IFNAR2: variants seen among roughly 807,000 people sequenced by gnomAD.
The protein encoded by IFNAR2 is interferon alpha/beta receptor 2.
Under a neutral mutation model 49.4 loss-of-function variants are expected in IFNAR2, and 30 were observed. The ratio of observed to expected loss-of-function variants is 0.61; its 90% CI spans 0.45 to 0.82. IFNAR2 has a LOEUF of 0.82. Among genes scored for constraint, IFNAR2 ranks in the 40% least tolerant of loss-of-function variants. The pLI, the probability that IFNAR2 is intolerant of heterozygous loss-of-function variation, is 0.00. For synonymous variants in IFNAR2, 224 were observed against 234.5 expected (o/e 0.96, Z 0.41); for missense variants, 600 against 622.7 (o/e 0.96, Z 0.39).
intron 3 of IFNAR2, among the ~76,000 whole-genome samples, chr21:33,244,716 A>G (rs1418725684): frequency 6.6e-6 from 1 of 152,196 alleles, no homozygotes; most frequent in African/African-American, 2.4e-5. Context: ...CTCTCCTTAC[A>G]CAGTGCACAG....
intron 8 of IFNAR2, among the ~76,000 whole-genome samples, chr21:33,261,821 A>G (rs1988587109): frequency 6.6e-6 from 1 of 152,108 alleles, no homozygotes; most frequent in Non-Finnish European, 1.5e-5. Context: ...GGCTGCAGTG[A>G]GCTGTGATTG....
rs1987277129 is a variant in IFNAR2 at position 33,244,948 on chromosome 21, T to C, written c.98-3T>C. On this transcript the variant is annotated splice_region_variant and splice_polypyrimidine_tract_variant and intron_variant, in intron 3 of 8. Coordinates refer to ENST00000342136, the MANE Select transcript of IFNAR2 (RefSeq NM_001289125.3). ...TCAATGCCCTTTTTCTTCTTCTCTTTAGATTACACAGATGAATCTTGCACT... is the reference window on the plus strand; with the variant it reads ...TCAATGCCCTTTTTCTTCTTCTCTTCAGATTACACAGATGAATCTTGCACT... 6.2e-7 allele frequency: 1 copy of C among 1,613,458 alleles called. No homozygotes were observed. Among genetic ancestry groups the C allele is most frequent in the African/African-American group, 1.3e-5 (1 of 74,902 alleles).
chr21:33,247,332 A>C, intron 5 of IFNAR2, among the ~76,000 whole-genome samples: 1 of 145,796 alleles, frequency 6.9e-6, no homozygotes, highest in Non-Finnish European at 1.5e-5. Flanking sequence ...GCTCACTGCA[A>C]CCTCCACCTT....
At chr21:33,258,343 A>G (rs1267400484) in intron 7 of IFNAR2, among the ~76,000 whole-genome samples, 1 of 152,078 alleles carries the variant, frequency 6.6e-6, no homozygotes, top group Admixed American at 6.5e-5. Flanking sequence ...GCAGAGAAGG[A>G]GCTCTCACAG....
intron 5 of IFNAR2, among the ~76,000 whole-genome samples, chr21:33,248,081 A>G (rs17860258): frequency 6.6e-6 from 1 of 152,372 alleles, no homozygotes; most frequent in Non-Finnish European, 1.5e-5. Context: ...TGAAAAATAC[A>G]TAAATATCCA....
At position 33,236,662 on chromosome 21, in the gene IFNAR2, A is replaced by G. The variant is rs186258944; in HGVS notation, c.-83-5178A>G. On this transcript the variant is annotated intron_variant, in intron 1 of 8. Transcript: ENST00000342136. ...AGCAGTTGTTAGGCATAGAGATTGA[A>G]GCCAGACAGGGCCTGGGATTCCTCT... The G allele has an allele frequency of 2.3e-5, 23 of 984,850 alleles. No homozygotes were observed. In the East Asian group the frequency reaches 9.1e-4, roughly 39 times the overall value. 61.0% of individuals were successfully genotyped at this position (984,850 alleles called of 1,614,324 possible).
At position 33,262,946 on chromosome 21, in the gene IFNAR2, A is replaced by G; in HGVS notation, c.994A>G (p.Thr332Ala). Residue 332 changes from threonine to alanine, a missense_variant, in exon 9 of 9, where the codon ACA becomes GCA. Physicochemically the swap from Thr to Ala is moderately conservative, Grantham distance 58 (BLOSUM62 0). Transcript: ENST00000342136. ...SDSDTEAAPR[T>A]SGGGYTMHGL... ...TAGCGATACTGAGGCAGCGCCCAGG[A>G]CAAGTGGCGGTGGCTATACCATGCA... is the stretch of plus-strand genomic sequence containing the variant. 2 of 1,614,226 alleles carry G rather than the reference A, an allele frequency of 1.2e-6. No homozygotes were observed. The highest frequency in any genetic ancestry group is 2.2e-5 in the South Asian group (2 of 91,082).
At chr21:33,259,493 T>C (rs1347906164) in intron 7 of IFNAR2, among the ~76,000 whole-genome samples, 1 of 152,222 alleles carries the variant, frequency 6.6e-6, no homozygotes, top group Non-Finnish European at 1.5e-5. Context: ...AATATTATCC[T>C]AGCATATTAA....
rs1987461458 is a variant in IFNAR2 at position 33,246,889 on chromosome 21, C to G, written c.393C>G (p.Asp131Glu). 11 of 1,612,120 alleles carry G rather than the reference C, an allele frequency of 6.8e-6. No individual in the cohort carries two copies. The highest frequency in any genetic ancestry group is 7.6e-6 in the Non-Finnish European group (9 of 1,178,680). The part of the protein sequence containing the change: ...SCSHNFWLAI[D>E]MSFEPPEFEI... ...CACACAATTTCTGGCTGGCCATAGACAGTGAGTTTTATCTCTGTTTCTCCA... is the reference window on the plus strand; with the variant it reads ...CACACAATTTCTGGCTGGCCATAGAGAGTGAGTTTTATCTCTGTTTCTCCA... The change falls in exon 5 of 9, where the codon GAC (aspartate) becomes GAG (glutamate). Residue 131 changes from aspartate (D) to glutamate (E), a missense_variant and splice_region_variant. Physicochemically the swap from Asp to Glu is conservative, Grantham distance 45 (BLOSUM62 2). Transcript: ENST00000342136.
intron 2 of IFNAR2, among the ~76,000 whole-genome samples, chr21:33,242,556 C>A (rs1242911960): frequency 6.6e-6 from 1 of 151,428 alleles, no homozygotes; most frequent in African/African-American, 2.4e-5. Context: ...CATGGTGAAA[C>A]CCCGTCTCTA....
chr21:33,243,726 T>G lies in IFNAR2; in HGVS notation c.97+12T>G, dbSNP rs1987175510. The G allele has an allele frequency of 1.2e-6, 2 of 1,606,924 alleles. No individual in the cohort carries two copies. Among genetic ancestry groups the G allele is most frequent in the Non-Finnish European group, 1.7e-6 (2 of 1,173,652 alleles). On this transcript the variant is annotated intron_variant, in intron 3 of 8. Coordinates refer to ENST00000342136, the MANE Select transcript of IFNAR2 (RefSeq NM_001289125.3). ...ATATGATTCGCCTGGTAAGAGATGT[T>G]TTTTGGCTTCACTAAATTTTGTATA...
At chr21:33,258,545 A>G (rs1374003044) in intron 7 of IFNAR2, among the ~76,000 whole-genome samples, 1 of 152,204 alleles carries the variant, frequency 6.6e-6, no homozygotes. Context: ...CTCCAGAACT[A>G]TTAATATAAT....
rs977046601 is a variant in IFNAR2 at position 33,230,369 on chromosome 21, T to C, written c.-84+153T>C. 4.8e-6 allele frequency: 3 copies of C among 628,546 alleles called. No homozygotes were observed. The highest frequency in any genetic ancestry group is 2.0e-5 in the African/African-American group (1 of 50,554). The allele number at this position is 628,546 out of a possible 1,614,324, so 38.9% of individuals were successfully genotyped here. ...CTCCTCCTGCCCTCCCTCTGCGTCTTGAGTATGCGGCTAGTGCGCCCTTCC... is the reference window on the plus strand; with the variant it reads ...CTCCTCCTGCCCTCCCTCTGCGTCTCGAGTATGCGGCTAGTGCGCCCTTCC... On this transcript the variant is annotated intron_variant, in intron 1 of 8. Transcript: ENST00000342136. This position sits in a 1 kb window ranked among gnomAD's most constrained non-coding sequence, Gnocchi z 5.5.
chr21:33,253,587 T>C (rs918698245), intron 7 of IFNAR2, among the ~76,000 whole-genome samples: 7 of 152,122 alleles, frequency 4.6e-5, no homozygotes, highest in African/African-American at 1.7e-4. Flanking sequence ...AAGAAAGAAT[T>C]CAGAGCGAGT....
chr21:33,261,298 A>G (rs1988556536), intron 8 of IFNAR2, among the ~76,000 whole-genome samples: 1 of 151,856 alleles, frequency 6.6e-6, no homozygotes, highest in African/African-American at 2.4e-5. Context: ...TGGCCTCCCA[A>G]AGTTCTGGGA....
rs1456078475 is a variant in IFNAR2, at chr21:33,230,818, T to C, written c.-84+602T>C. ...GCCGCGGAGACAGAAGGGTGCACCCTCCCAGGGTCGGAGAGGGGAGATACT... is the reference window on the plus strand; with the variant it reads ...GCCGCGGAGACAGAAGGGTGCACCCCCCCAGGGTCGGAGAGGGGAGATACT... On this transcript the variant is annotated intron_variant, in intron 1 of 8. Coordinates refer to ENST00000342136, the MANE Select transcript of IFNAR2 (RefSeq NM_001289125.3). This position sits in a 1 kb window ranked among gnomAD's most constrained non-coding sequence, Gnocchi z 5.5. Among the ~76,000 whole-genome samples, 3 of 152,010 alleles carry C rather than the reference T, an allele frequency of 2.0e-5. No individual in the cohort carries two copies. The highest frequency in any genetic ancestry group is 4.4e-5 in the Non-Finnish European group (3 of 67,996).
intron 1 of IFNAR2, among the ~76,000 whole-genome samples, chr21:33,241,112 A>G (rs1210859884): frequency 6.6e-6 from 1 of 152,222 alleles, no homozygotes; most frequent in East Asian, 1.9e-4. Context: ...TATTCAGGTG[A>G]TGGATACACT....
chr21:33,245,091 AT>A lies in IFNAR2; in HGVS notation c.221+21del. The A allele has an allele frequency of 6.4e-7, 1 of 1,573,164 alleles. No individual in the cohort carries two copies. ...AATCATGAGGTTGGTTTGATATTTC[AT>A]TTTCTCTTGGTAAACATATTATTGT... On this transcript the variant is annotated intron_variant, in intron 4 of 8. Coordinates refer to ENST00000342136, the MANE Select transcript of IFNAR2 (RefSeq NM_001289125.3).
In IFNAR2 at chr21:33,230,318, C is replaced by T; in HGVS notation, c.-84+102C>T. ...CGGTTCCCGGAATCCCCTCCGGTTCCCTCTCGCTCTCCCCGACTCCTCCTC... is the reference window on the plus strand; with the variant it reads ...CGGTTCCCGGAATCCCCTCCGGTTCTCTCTCGCTCTCCCCGACTCCTCCTC... On this transcript the variant is annotated intron_variant, in intron 1 of 8. Coordinates refer to ENST00000342136, the MANE Select transcript of IFNAR2 (RefSeq NM_001289125.3). This position sits in a 1 kb window ranked among gnomAD's most constrained non-coding sequence, Gnocchi z 5.5. 1 of 979,042 alleles carries T rather than the reference C, an allele frequency of 1.0e-6. No homozygotes were observed. The highest frequency in any genetic ancestry group is 1.3e-6 in the Non-Finnish European group (1 of 769,742). 60.6% of individuals were successfully genotyped at this position (979,042 alleles called of 1,614,324 possible). A position where few individuals can be genotyped will look rare whatever the true frequency, so the allele number is the denominator to read the frequency against.
Sources: allele counts gnomAD v4.1 joint callset (sites outside exome capture counted in the v4.1 genomes callset), GRCh38; gene constraint gnomAD v4.1.1; non-coding constraint Gnocchi (gnomAD v3.1); transcripts MANE v1.5; gene names NCBI Gene and HGNC (gene_info 2026-07-23, HGNC 2026-07-21).